Variants in LIPC observed in about 807,000 individuals in gnomAD.
LIPC encodes the protein lipase C, hepatic type.
In LIPC, 44 loss-of-function variants were observed where a neutral mutation model predicts 50.7. The ratio of observed to expected loss-of-function variants is 0.87; its 90% confidence interval spans 0.68 to 1.11. The LOEUF (loss-of-function observed/expected upper bound fraction) is 1.11, where lower values mean the gene tolerates loss of function less well. Ranked by LOEUF, LIPC falls within the 50% of genes most tolerant of loss-of-function variation. LIPC has a pLI of 0.00. For synonymous variants in LIPC, 271 were observed against 256.4 expected (o/e 1.06, Z -0.54); for missense variants, 697 against 648.2 (o/e 1.08, Z -0.82).
At chr15:58,541,130 A>G (rs1893305046) in intron 2 of LIPC, among the ~76,000 whole-genome samples, 2 of 152,098 alleles carry the variant, frequency 1.3e-5, no homozygotes, top group Non-Finnish European at 2.9e-5. Flanking sequence ...CTGGACTCCT[A>G]TTGATCCTTT....
intron 1 of LIPC, among the ~76,000 whole-genome samples, chr15:58,515,533 C>CAT (rs1555403164): frequency 2.8e-4 from 40 of 141,718 alleles, no homozygotes; most frequent in African/African-American, 1.0e-3. Flanking sequence ...TATACACACA[C>CAT]ATATATATAT....
At chr15:58,542,675 C>T in intron 4 of LIPC, 24 bp downstream of exon 4, 1 of 1,439,496 alleles carries the variant, frequency 6.9e-7, no homozygotes, top group South Asian at 1.1e-5. Flanking sequence ...ATAACTCACA[C>T]ACTGATCTCC....
At chr15:58,499,591 A>C (rs569341943) in intron 1 of LIPC, among the ~76,000 whole-genome samples, 4 of 152,096 alleles carry the variant, frequency 2.6e-5, no homozygotes, top group African/African-American at 7.2e-5. Flanking sequence ...ACCGAACCCT[A>C]TAAGTTGATC....
At chr15:58,486,130 A>G (rs569027478) in intron 1 of LIPC, among the ~76,000 whole-genome samples, 11 of 152,266 alleles carry the variant, frequency 7.2e-5, no homozygotes, top group Non-Finnish European at 1.5e-4. Context: ...CCACTCCTTG[A>G]CATGGACGGC....
chr15:58,562,885 G>T (rs571803404), intron 7 of LIPC, among the ~76,000 whole-genome samples: 1 of 152,126 alleles, frequency 6.6e-6, no homozygotes, highest in South Asian at 2.1e-4. Flanking sequence ...TCTCCCAGGG[G>T]ATGGTTCTCA....
At chr15:58,508,575 G>A (rs1212014857) in intron 1 of LIPC, among the ~76,000 whole-genome samples, 2 of 152,038 alleles carry the variant, frequency 1.3e-5, no homozygotes, top group African/African-American at 4.8e-5. Flanking sequence ...TATTAGTATT[G>A]AACTGAACAA....
chr15:58,462,998 G>T (rs1402684149), intron 1 of LIPC, among the ~76,000 whole-genome samples: 1 of 152,192 alleles, frequency 6.6e-6, no homozygotes, highest in African/African-American at 2.4e-5. Context: ...CCCTCCTTTT[G>T]AAGTCCTTGT....
intron 1 of LIPC, among the ~76,000 whole-genome samples, chr15:58,471,829 G>T (rs1309817954): frequency 6.6e-6 from 1 of 152,148 alleles, no homozygotes; most frequent in Non-Finnish European, 1.5e-5. Context: ...TGCCCTTACT[G>T]CCCTACCAGT....
intron 1 of LIPC, among the ~76,000 whole-genome samples, chr15:58,508,861 T>A (rs1892246217): frequency 6.6e-6 from 1 of 152,168 alleles, no homozygotes; most frequent in African/African-American, 2.4e-5. Context: ...CTTTTTTTTT[T>A]TAATTTTTTA....
intron 1 of LIPC, among the ~76,000 whole-genome samples, chr15:58,474,081 A>C (rs1442316059): frequency 6.6e-6 from 1 of 152,230 alleles, no homozygotes; most frequent in Non-Finnish European, 1.5e-5. Context: ...CTTGGTCCAA[A>C]GCCCTTCTAC....
chr15:58,523,577 C>T (rs899464033), intron 1 of LIPC, among the ~76,000 whole-genome samples: 2 of 150,582 alleles, frequency 1.3e-5, no homozygotes, highest in Non-Finnish European at 2.9e-5. Flanking sequence ...AAATAGTTAT[C>T]ATGGAAAGTG....
intron 1 of LIPC, among the ~76,000 whole-genome samples, chr15:58,438,423 G>T (rs991033554): frequency 6.6e-6 from 1 of 152,162 alleles, no homozygotes; most frequent in Non-Finnish European, 1.5e-5. Context: ...GACCAGTTTC[G>T]AGTGGGGCGC....
intron 1 of LIPC, among the ~76,000 whole-genome samples, chr15:58,537,706 C>A (rs1893178928): frequency 6.6e-6 from 1 of 152,164 alleles, no homozygotes; most frequent in Admixed American, 6.5e-5. Context: ...GGGTCAACAT[C>A]ACATTCCCTG....
At chr15:58,563,871 CT>C in intron 8 of LIPC, 148 bp downstream of exon 8, 1 of 747,754 alleles carries the variant, frequency 1.3e-6, no homozygotes, top group South Asian at 1.5e-5. Flanking sequence ...GGTGAAGTGA[CT>C]ATCCCAACTT....
At chr15:58,492,480 G>A (rs1891619933) in intron 1 of LIPC, among the ~76,000 whole-genome samples, 2 of 152,080 alleles carry the variant, frequency 1.3e-5, no homozygotes, top group South Asian at 4.1e-4. Context: ...CCCCACAAAA[G>A]TATTAGCTAT....
intron 1 of LIPC, among the ~76,000 whole-genome samples, chr15:58,490,948 G>C (rs1233195515): frequency 1.3e-5 from 2 of 152,182 alleles, no homozygotes; most frequent in Non-Finnish European, 2.9e-5. Context: ...ACCTCCTAAG[G>C]AAAGAGCGAG....
intron 8 of LIPC, chr15:58,566,059 G>A: frequency 2.0e-6 from 2 of 982,012 alleles, no homozygotes; most frequent in Non-Finnish European, 2.4e-6. Context: ...AAGCATCTGG[G>A]AATCATGTTA....
intron 1 of LIPC, among the ~76,000 whole-genome samples, chr15:58,499,640 C>A (rs1254683030): frequency 2.6e-5 from 4 of 152,150 alleles, no homozygotes; most frequent in African/African-American, 9.7e-5. Flanking sequence ...TCTCTGAGCA[C>A]CTAGGAACTG....
intron 1 of LIPC, among the ~76,000 whole-genome samples, chr15:58,471,739 C>G (rs567423399): frequency 6.6e-6 from 1 of 152,264 alleles, no homozygotes; most frequent in East Asian, 1.9e-4. Context: ...AAATGCATGA[C>G]TATTCAATAT....
Sources: allele counts gnomAD v4.1 joint callset (sites outside exome capture counted in the v4.1 genomes callset), GRCh38; gene constraint gnomAD v4.1.1; transcripts MANE v1.5; gene names NCBI Gene and HGNC (gene_info 2026-07-23, HGNC 2026-07-21).